The following DHDDS variants were observed in gnomAD, a reference collection of about 807,000 sequenced individuals.
DHDDS encodes dehydrodolichyl diphosphate synthase complex subunit DHDDS.
Under a neutral mutation model 46.2 loss-of-function variants are expected in DHDDS, and 16 were observed. That is an observed-to-expected ratio of 0.35 (90% CI 0.23 to 0.53). The LOEUF (loss-of-function observed/expected upper bound fraction) is 0.53, where lower values mean the gene tolerates loss of function less well. Among genes scored for constraint, DHDDS ranks in the 20% least tolerant of loss-of-function variants. DHDDS has a pLI of 0.94. For synonymous variants in DHDDS, 151 were observed against 163.1 expected, an observed-to-expected ratio of 0.93 and a Z score of 0.56; for missense variants, 340 against 423.7, an observed-to-expected ratio of 0.80 and a Z score of 1.73.
chr1:26,458,894 T>C (rs933072301), intron 7 of DHDDS, among the ~76,000 whole-genome samples: 18 of 152,104 alleles, frequency 1.2e-4, no homozygotes, highest in African/African-American at 3.9e-4. Context: ...ATTAGTTACA[T>C]TGACAAACTT....
chr1:26,447,132 C>T (rs2075276102), intron 5 of DHDDS, among the ~76,000 whole-genome samples: 2 of 152,068 alleles, frequency 1.3e-5, no homozygotes, highest in Admixed American at 1.3e-4. Flanking sequence ...CTAGCCTGGC[C>T]AACATGGTGA....
chr1:26,468,691 C>G (rs1205859729), intron 8 of DHDDS, among the ~76,000 whole-genome samples: 1 of 152,136 alleles, frequency 6.6e-6, no homozygotes, highest in Non-Finnish European at 1.5e-5. Context: ...CCAAGATGGA[C>G]CCAGAATTGC....
In DHDDS at chr1:26,469,510, T is replaced by C. The variant is rs2075531327; in HGVS notation, c.*379T>C. 1 of 310,592 alleles carries C rather than the reference T, an allele frequency of 3.2e-6. No homozygotes were observed. The highest frequency in any genetic ancestry group is 4.2e-5 in the Admixed American group (1 of 23,690). 19.2% of individuals were successfully genotyped at this position (310,592 alleles called of 1,614,324 possible). ...CCCCAAAACCCTAGCTCTTTACCCT[T>C]CCATTTTAGCCTTCCACCCAGCTTC... On this transcript the variant is annotated 3_prime_UTR_variant, in exon 9 of 9. Transcript: ENST00000236342.
chr1:26,434,195 A>G (rs534029582), intron 2 of DHDDS, among the ~76,000 whole-genome samples: 8 of 152,340 alleles, frequency 5.3e-5, no homozygotes, highest in African/African-American at 1.7e-4. Flanking sequence ...ATTATCTCCT[A>G]TCTTCCCCAA....
At chr1:26,433,889 C>T (rs551890987) in intron 2 of DHDDS, among the ~76,000 whole-genome samples, 1 of 152,220 alleles carries the variant, frequency 6.6e-6, no homozygotes, top group South Asian at 2.1e-4. Flanking sequence ...GCATATGCTA[C>T]CACACATGGC....
chr1:26,442,760 C>T lies in DHDDS; in HGVS notation c.210C>T (p.Ile70=), dbSNP rs1343687682. The change falls in exon 4 of 9, where the codon ATC becomes ATT. Residue 70 remains isoleucine (I), a synonymous_variant. Transcript: ENST00000236342. Reference sequence around the variant, plus strand: ...TGCGGTGGTGTTTGAACCTGGGCATCCTAGAGGTGACAGTCTACGCATTCA... The same window carrying T: ...TGCGGTGGTGTTTGAACCTGGGCATTCTAGAGGTGACAGTCTACGCATTCA... ...ETLRWCLNLG[I]LEVTVYAFSI... is the part of the protein sequence containing the mutation. 1.9e-6 allele frequency: 3 copies of T among 1,614,088 alleles called. No individual in the cohort carries two copies. The highest frequency in any genetic ancestry group is 1.7e-6 in the Non-Finnish European group (2 of 1,180,012).
intron 8 of DHDDS, 84 bp from the exon 9 acceptor site, chr1:26,468,810 TG>T: frequency 1.6e-6 from 2 of 1,229,682 alleles, no homozygotes; most frequent in Non-Finnish European, 2.3e-6. Context: ...GCCCACCCTG[TG>T]CCCCACCCCC....
rs113377361 is a variant in DHDDS at position 26,443,052 on chromosome 1, C to CTTTTTT, written c.323+184_323+185insTTTTTT. ...ATAGTCTTTCATTCTTTATTTCTAA[C>CTTTTTT]TTTTTAATAAAAAAGGGGGCATTTA... On this transcript the variant is annotated intron_variant, in intron 4 of 8. Coordinates refer to ENST00000236342, the MANE Select transcript of DHDDS (RefSeq NM_205861.3). 672,752 of 996,394 alleles carry CTTTTTT rather than the reference C, an allele frequency of 0.68. 211,824 individuals are homozygous for CTTTTTT. Among genetic ancestry groups the CTTTTTT allele is most frequent in the Admixed American group, 0.79 (24,547 of 30,996 alleles). 61.7% of individuals were successfully genotyped at this position (996,394 alleles called of 1,614,324 possible).
intron 2 of DHDDS, 24 bp from the exon 3 acceptor site, chr1:26,438,144 A>G (rs762024439): frequency 6.2e-7 from 1 of 1,610,286 alleles, no homozygotes; most frequent in East Asian, 2.2e-5. Flanking sequence ...AGACCTGTTC[A>G]TCATTTGTCT....
intron 6 of DHDDS, chr1:26,455,056 G>A (rs1287652022): frequency 2.2e-5 from 23 of 1,034,100 alleles, no homozygotes; most frequent in Non-Finnish European, 3.4e-5. Flanking sequence ...GGTACTTCAT[G>A]GCTTTTCGTA....
rs755261681 is a variant in DHDDS, at chr1:26,470,643, A to G, written c.*1512A>G. On this transcript the variant is annotated 3_prime_UTR_variant, in exon 9 of 9. Transcript: ENST00000236342. ...GTCCATGCTCCCAGAATCAAGCATA[A>G]ATGCCAGACACGGCGATTGAGAAGC... 2.0e-5 allele frequency: 3 copies of G among 152,598 alleles called. No individual in the cohort carries two copies. The highest frequency in any genetic ancestry group is 4.8e-5 in the African/African-American group (2 of 41,422). The allele number at this position is 152,598 out of a possible 1,614,324, so 9.5% of individuals were successfully genotyped here. A position where few individuals can be genotyped will look rare whatever the true frequency, so the allele number is the denominator to read the frequency against.
At chr1:26,456,213 T>A (rs976385852) in intron 6 of DHDDS, among the ~76,000 whole-genome samples, 1 of 152,088 alleles carries the variant, frequency 6.6e-6, no homozygotes, top group African/African-American at 2.4e-5. Context: ...AATAAGATTT[T>A]AAAAATAAAT....
chr1:26,441,090 A>G (rs929948755), intron 3 of DHDDS, among the ~76,000 whole-genome samples: 1 of 151,872 alleles, frequency 6.6e-6, no homozygotes, highest in African/African-American at 2.4e-5. Context: ...ACACCCGGCT[A>G]ATTTTTGCAT....
At chr1:26,460,346 A>G (rs2075410234) in intron 8 of DHDDS, among the ~76,000 whole-genome samples, 1 of 152,160 alleles carries the variant, frequency 6.6e-6, no homozygotes, top group African/African-American at 2.4e-5. Context: ...GTTCCCAAGA[A>G]CCCAATGAGG....
chr1:26,468,551 G>A (rs763358685), intron 8 of DHDDS, among the ~76,000 whole-genome samples: 1 of 152,156 alleles, frequency 6.6e-6, no homozygotes, highest in Non-Finnish European at 1.5e-5. Context: ...GAAGAAATGA[G>A]GTTAGGACAG....
At position 26,432,896 on chromosome 1, in the gene DHDDS, C is replaced by A; in HGVS notation, c.-50C>A. The A allele has an allele frequency of 6.3e-7, 1 of 1,593,510 alleles. No homozygotes were observed. The highest frequency in any genetic ancestry group is 8.6e-7 in the Non-Finnish European group (1 of 1,161,322). ...TTCTTTCTTGTTTATCCAAGATTAC[C>A]TGGCTGGTGTTTGCTTGTTCTGGAG... On this transcript the variant is annotated 5_prime_UTR_variant, in exon 2 of 9. It adds an upstream start codon to the 5' untranslated region. Transcript: ENST00000236342.
At chr1:26,435,262 G>A (rs924932792) in intron 2 of DHDDS, among the ~76,000 whole-genome samples, 2 of 150,856 alleles carry the variant, frequency 1.3e-5, no homozygotes, top group African/African-American at 2.4e-5. Context: ...CACCCGCCTC[G>A]GCCTCCCAAA....
Position 26,469,257 on chromosome 1 carries a change from GC to G in DHDDS, c.*132del. On this transcript the variant is annotated 3_prime_UTR_variant, in exon 9 of 9. Coordinates refer to ENST00000236342, the MANE Select transcript of DHDDS (RefSeq NM_205861.3). ...GGTGTTCCCTTTGCTTGGCTGGGGA[GC>G]CCCCCAGGCCAGGTTTGCTGGCCAT... is the stretch of plus-strand genomic sequence containing the variant. 1 of 1,560,304 alleles carries G rather than the reference GC, an allele frequency of 6.4e-7. No homozygotes were observed. Among genetic ancestry groups the G allele is most frequent in the Non-Finnish European group, 8.7e-7 (1 of 1,154,318 alleles).
Position 26,447,939 on chromosome 1 carries a change from T to TC in DHDDS, c.542+282dup, listed in dbSNP as rs1470823802. ...GCATGTGGAAAGATTTAAGGGGATC[T>TC]CCCAAATTTAGAGATTAGGATTGGC... On this transcript the variant is annotated intron_variant, in intron 6 of 8. Transcript: ENST00000236342. 3.6e-5 allele frequency: 21 copies of TC among 589,904 alleles called. No individual in the cohort carries two copies. The East Asian group carries it at 5.3e-4, about 15-fold the overall frequency. 36.5% of individuals were successfully genotyped at this position (589,904 alleles called of 1,614,324 possible). A position where few individuals can be genotyped will look rare whatever the true frequency, so the allele number is the denominator to read the frequency against.
Sources: gnomAD v4.1 joint callset for allele counts (sites outside exome capture counted in the v4.1 genomes callset) on GRCh38, gnomAD v4.1.1 for gene constraint, MANE v1.5 for transcripts, NCBI Gene and HGNC (gene_info 2026-07-23, HGNC 2026-07-21) for gene names.